Variants in TREM1 observed in about 807,000 individuals in gnomAD.
TREM1 encodes triggering receptor expressed on monocytes 1.
In TREM1, 16 loss-of-function variants were observed where a neutral mutation model predicts 22.4. The observed-to-expected ratio is 0.71, with a 90% CI of 0.48 to 1.08. The LOEUF (loss-of-function observed/expected upper bound fraction) is 1.08, where lower values mean the gene tolerates loss of function less well. Among genes scored for constraint, TREM1 ranks in the 50% least tolerant of loss-of-function variants. The pLI, the probability that TREM1 is intolerant of heterozygous loss-of-function variation, is 0.00. For missense variants in TREM1, 283 were observed against 282.9 expected (o/e 1.00, Z 0.00); for synonymous variants, 110 against 111.6 (o/e 0.99, Z 0.09).
At chr6:41,283,458 C>G (rs1017966972) in intron 1 of TREM1, among the ~76,000 whole-genome samples, 1 of 152,148 alleles carries the variant, frequency 6.6e-6, no homozygotes, top group Non-Finnish European at 1.5e-5. Flanking sequence ...CGCATGTAAT[C>G]CCACACTTTG....
intron 3 of TREM1, chr6:41,280,096 A>C (rs1767843227): frequency 1.1e-6 from 1 of 939,122 alleles, no homozygotes; most frequent in African/African-American, 1.8e-5. Flanking sequence ...GAATAAAAAC[A>C]TGTATAATTA....
downstream of TREM1, among the ~76,000 whole-genome samples, chr6:41,269,119 C>T (rs1767411143): frequency 6.6e-6 from 1 of 152,176 alleles, no homozygotes; most frequent in South Asian, 2.1e-4. Flanking sequence ...ATGGAGGCCT[C>T]TCAAATTCAC....
chr6:41,270,146 T>G (rs916172093), downstream of TREM1: 3 of 152,200 alleles, frequency 2.0e-5, no homozygotes, highest in East Asian at 5.8e-4. Context: ...TATTTCATGA[T>G]GTTGTAAGAA....
intron 1 of TREM1, among the ~76,000 whole-genome samples, chr6:41,285,188 T>TCCTC (rs1768108249): frequency 6.6e-6 from 1 of 152,164 alleles, no homozygotes; most frequent in South Asian, 2.1e-4. Context: ...AACTTGCCTG[T>TCCTC]CTCTCACAGA....
intron 1 of TREM1, among the ~76,000 whole-genome samples, chr6:41,285,666 C>A (rs914145611): frequency 2.0e-5 from 3 of 152,228 alleles, no homozygotes; most frequent in African/African-American, 7.2e-5. Context: ...GGTACATAAC[C>A]TTCAGCCCTC....
chr6:41,280,355 T>C, intron 3 of TREM1: 1 of 986,890 alleles, frequency 1.0e-6, no homozygotes. Flanking sequence ...TTAAAAATAC[T>C]GAGAGGGACC....
chr6:41,280,987 G>T lies in TREM1; in HGVS notation c.573C>A (p.Asn191Lys). Reference protein sequence around the residue: ...ADVSTPDSEINLTNVTDIIRV... With the variant: ...ADVSTPDSEIKLTNVTDIIRV... ...TGATGATATCTGTCACATTTGTAAG[G>T]TTGATTTCAGAGTCAGGAGTGGAGA... The change falls in exon 3 of 4, where the codon AAC (asparagine) becomes AAA (lysine). Residue 191 changes from asparagine to lysine, a missense_variant. Coordinates refer to ENST00000244709, the MANE Select transcript of TREM1 (RefSeq NM_018643.5). 6.2e-7 allele frequency: 1 copy of T among 1,614,242 alleles called. No homozygotes were observed. Among genetic ancestry groups the T allele is most frequent in the Non-Finnish European group, 8.5e-7 (1 of 1,180,048 alleles).
At position 41,282,468 on chromosome 6, in the gene TREM1, A is replaced by T; in HGVS notation, c.333T>A (p.Tyr111Ter). 1 of 1,614,144 alleles carries T rather than the reference A, an allele frequency of 6.2e-7. No homozygotes were observed. The highest frequency in any genetic ancestry group is 8.5e-7 in the Non-Finnish European group (1 of 1,180,026). ...VNLQVEDSGL[Y>*]QCVIYQPPKE... ...TGGGAGGCTGGTAGATCACACACTG[A>T]TACAGTCCAGAATCTTCCACTTGAA... Residue 111 changes from tyrosine (Y) to a stop codon, truncating the protein, a stop_gained, in exon 2 of 4, where the codon TAT becomes TAA. Transcript: ENST00000244709. LOFTEE classifies it high-confidence loss of function.
downstream of TREM1, among the ~76,000 whole-genome samples, chr6:41,268,827 T>C (rs1200022052): frequency 6.6e-6 from 1 of 152,158 alleles, no homozygotes; most frequent in East Asian, 1.9e-4. Flanking sequence ...TCAGGAGCAG[T>C]GGGTGATGGA....
downstream of TREM1, among the ~76,000 whole-genome samples, chr6:41,270,494 T>C (rs1431801187): frequency 6.7e-6 from 1 of 148,850 alleles, no homozygotes; most frequent in Non-Finnish European, 1.5e-5. Context: ...TTAGCAAGAT[T>C]CCTACCCATA....
chr6:41,278,058 A>T (rs1365947457), intron 3 of TREM1, among the ~76,000 whole-genome samples: 2 of 151,550 alleles, frequency 1.3e-5, no homozygotes, highest in South Asian at 4.2e-4. Context: ...AGTAGCTGGG[A>T]CCATGGGTGC....
rs2113991055 is a variant in TREM1, at chr6:41,282,518, A to T, written c.283T>A (p.Leu95Ile). The T allele has an allele frequency of 6.2e-7, 1 of 1,614,168 alleles. No homozygotes were observed. Among genetic ancestry groups the T allele is most frequent in the Non-Finnish European group, 8.5e-7 (1 of 1,180,038 alleles). ...AGGTTGACCATTCGGACGCGCAGTA[A>T]ACCATGATCATGGTAGTCTTCTAGT... Reference protein sequence around the residue: ...IILEDYHDHGLLRVRMVNLQV... With the variant: ...IILEDYHDHGILRVRMVNLQV... Residue 95 changes from leucine to isoleucine, a missense_variant, in exon 2 of 4, where the codon TTA becomes ATA. Leu to Ile is a conservative substitution (Grantham distance 5, BLOSUM62 2). Transcript: ENST00000244709.
At chr6:41,273,026 G>A (rs116119028), downstream of TREM1, among the ~76,000 whole-genome samples, 503 of 152,156 alleles carry the variant, frequency 3.3e-3, 2 homozygotes, top group African/African-American at 0.011. Flanking sequence ...CCCTTCTCCC[G>A]GCAGCTGTGC....
At chr6:41,279,712 A>G (rs1581630389) in intron 3 of TREM1, 11 of 985,440 alleles carry the variant, frequency 1.1e-5, no homozygotes, top group African/African-American at 7.0e-5. Context: ...TTTAACTCAC[A>G]CTATTTAATG....
chr6:41,276,999 C>G (rs576216448), intron 3 of TREM1, among the ~76,000 whole-genome samples: 1 of 151,892 alleles, frequency 6.6e-6, no homozygotes, highest in Non-Finnish European at 1.5e-5. Context: ...AACATGGTAA[C>G]GGTGTAGGCT....
downstream of TREM1, among the ~76,000 whole-genome samples, chr6:41,273,313 T>C (rs1381967306): frequency 6.6e-6 from 1 of 152,214 alleles, no homozygotes; most frequent in East Asian, 1.9e-4. Context: ...TCATCAACTC[T>C]GAGTTACTGA....
intron 1 of TREM1, among the ~76,000 whole-genome samples, chr6:41,283,910 T>C (rs980102618): frequency 6.6e-6 from 1 of 152,066 alleles, no homozygotes; most frequent in African/African-American, 2.4e-5. Context: ...TGAAACTTTC[T>C]ACCACGTAGG....
At chr6:41,277,842 C>A (rs1767731419) in intron 3 of TREM1, among the ~76,000 whole-genome samples, 1 of 152,048 alleles carries the variant, frequency 6.6e-6, no homozygotes, top group African/African-American at 2.4e-5. Flanking sequence ...GCTTCCTTCC[C>A]TTCCTGGTCC....
At position 41,286,656 on chromosome 6, in the gene TREM1, C is replaced by T. The variant is rs531576731; in HGVS notation, c.-1G>A. 114 of 1,614,088 alleles carry T rather than the reference C, an allele frequency of 7.1e-5. 1 individual carries two copies. The Middle Eastern group carries it at 1.2e-3, about 16-fold the overall frequency. ...GCCCCCAGAGCCTGGTCTTCCTCAT[C>T]CTTCCTGTGCACCAGCTCCAACTGC... On this transcript the variant is annotated 5_prime_UTR_variant, in exon 1 of 4. Coordinates refer to ENST00000244709, the MANE Select transcript of TREM1 (RefSeq NM_018643.5).
Sources: gnomAD v4.1 joint callset for allele counts (sites outside exome capture counted in the v4.1 genomes callset) on GRCh38, gnomAD v4.1.1 for gene constraint, MANE v1.5 for transcripts, NCBI Gene and HGNC (gene_info 2026-07-23, HGNC 2026-07-21) for gene names.